Variants in LBP observed in about 807,000 individuals in gnomAD.
LBP encodes the protein lipopolysaccharide binding protein, also known as lipopolysaccharide-binding protein.
A neutral mutation model predicts 56.6 loss-of-function variants in LBP; 53 were observed. That is an observed-to-expected ratio of 0.94 (90% confidence interval 0.75 to 1.18). The LOEUF (loss-of-function observed/expected upper bound fraction) is 1.18, where lower values mean the gene tolerates loss of function less well. Ranked by LOEUF, LBP falls within the 50% of genes most tolerant of loss-of-function variation. The probability of loss-of-function intolerance (pLI) is 0.00; values close to 1 mark genes in which losing one functional copy is unlikely to be tolerated. For synonymous variants in LBP, 227 were observed against 247.5 expected (o/e 0.92, Z 0.78); for missense variants, 601 against 598.3 (o/e 1.00, Z -0.05).
At chr20:38,371,639 A>C (rs936053972) in intron 12 of LBP, among the ~76,000 whole-genome samples, 1 of 152,226 alleles carries the variant, frequency 6.6e-6, no homozygotes, top group Admixed American at 6.5e-5. Context: ...AAATAAACGA[A>C]AAAACTAAGA....
chr20:38,349,006 G>A (rs763959202), intron 1 of LBP, among the ~76,000 whole-genome samples: 18 of 151,568 alleles, frequency 1.2e-4, no homozygotes, highest in Non-Finnish European at 1.9e-4. Context: ...TATTGGCCAG[G>A]CTGGTCTCGA....
At chr20:38,354,139 G>C in intron 3 of LBP, 145 bp from the exon 4 acceptor site, 2 of 631,066 alleles carry the variant, frequency 3.2e-6, no homozygotes, top group African/African-American at 1.9e-5. Context: ...CTTTCTTCTA[G>C]ATCTTTTATG....
At chr20:38,359,619 C>G (rs2076852844) in intron 5 of LBP, among the ~76,000 whole-genome samples, 1 of 152,036 alleles carries the variant, frequency 6.6e-6, no homozygotes, top group South Asian at 2.1e-4. Context: ...ACTCTTTTCT[C>G]AATGATATTG....
At chr20:38,371,159 C>A in intron 11 of LBP, 121 bp from the exon 12 acceptor site, 1 of 721,222 alleles carries the variant, frequency 1.4e-6, no homozygotes, top group Admixed American at 2.5e-5. Context: ...TCCACTCCTG[C>A]TCCCGCCCTA....
intron 8 of LBP, among the ~76,000 whole-genome samples, chr20:38,366,451 G>A (rs572927745): frequency 6.6e-6 from 1 of 152,306 alleles, no homozygotes; most frequent in Non-Finnish European, 1.5e-5. Flanking sequence ...AGGAAGTTGA[G>A]GTTCAGGGAG....
chr20:38,353,383 G>C (rs2076827136), intron 3 of LBP, among the ~76,000 whole-genome samples: 1 of 151,058 alleles, frequency 6.6e-6, no homozygotes, highest in South Asian at 2.1e-4. Context: ...TCCTGGAATA[G>C]ACCACATTTT....
chr20:38,358,397 C>T (rs1457831289), intron 5 of LBP, among the ~76,000 whole-genome samples: 1 of 152,166 alleles, frequency 6.6e-6, no homozygotes, highest in Non-Finnish European at 1.5e-5. Context: ...CCCATGCCTC[C>T]CCTGCCCAGT....
chr20:38,375,984 C>T (rs1310303964), intron 14 of LBP, among the ~76,000 whole-genome samples: 4 of 152,152 alleles, frequency 2.6e-5, no homozygotes, highest in African/African-American at 9.7e-5. Flanking sequence ...TCAGACAGAT[C>T]GTTGTTCAAA....
intron 14 of LBP, among the ~76,000 whole-genome samples, chr20:38,376,023 C>T (rs1422016012): frequency 1.3e-5 from 2 of 152,234 alleles, no homozygotes; most frequent in East Asian, 1.9e-4. Context: ...TTCATACCAT[C>T]GGCCTCAGTT....
chr20:38,355,517 C>A, intron 5 of LBP, 108 bp downstream of exon 5: 1 of 994,560 alleles, frequency 1.0e-6, no homozygotes, highest in Non-Finnish European at 1.6e-6. Flanking sequence ...TTTAGACGTA[C>A]TTGGGCCCAA....
intron 3 of LBP, among the ~76,000 whole-genome samples, chr20:38,353,251 G>A (rs940102458): frequency 4.6e-5 from 7 of 151,962 alleles, no homozygotes; most frequent in African/African-American, 1.4e-4. Context: ...TTTGTGCCAT[G>A]TCCACCCCTA....
intron 3 of LBP, 68 bp from the exon 4 acceptor site, chr20:38,354,216 A>G (rs2076830340): frequency 3.5e-6 from 5 of 1,411,972 alleles, no homozygotes; most frequent in South Asian, 1.3e-5. Context: ...TGAGCCTTCT[A>G]TTTTCCCCAC....
At chr20:38,368,340 C>T (rs2076889906) in intron 9 of LBP, among the ~76,000 whole-genome samples, 1 of 152,108 alleles carries the variant, frequency 6.6e-6, no homozygotes, top group African/African-American at 2.4e-5. Flanking sequence ...TGGCTCACAC[C>T]CGTAATCCCA....
intron 9 of LBP, among the ~76,000 whole-genome samples, chr20:38,367,230 G>A (rs1490297519): frequency 6.6e-6 from 1 of 152,184 alleles, no homozygotes; most frequent in African/African-American, 2.4e-5. Context: ...AAGGTGGGTG[G>A]ATTGCTTGAG....
chr20:38,374,616 A>G (rs1197915543), intron 14 of LBP, among the ~76,000 whole-genome samples: 3 of 151,486 alleles, frequency 2.0e-5, no homozygotes, highest in Non-Finnish European at 2.9e-5. Context: ...AAAGAAAGAA[A>G]AAAAAAAGAA....
rs748401837 is a variant in LBP, at chr20:38,374,009, A to G, written c.1397A>G (p.His466Arg). 7.7e-5 allele frequency: 125 copies of G among 1,613,918 alleles called. No homozygotes were observed. Among genetic ancestry groups the G allele is most frequent in the Non-Finnish European group, 1.0e-4 (120 of 1,179,940 alleles). ...VQLYDLGLQIHKDFLFLGANV... is the reference protein window; with the variant it reads ...VQLYDLGLQIRKDFLFLGANV... ...CTCTACGACCTTGGGCTGCAGATCCATAAGGTCGGTGGGTTCAGGGGGGCT... is the reference window on the plus strand; with the variant it reads ...CTCTACGACCTTGGGCTGCAGATCCGTAAGGTCGGTGGGTTCAGGGGGGCT... Residue 466 changes from histidine to arginine, a missense_variant, in exon 14 of 15, where the codon CAT (histidine) becomes CGT (arginine). His to Arg is a conservative substitution (Grantham distance 29). Transcript: ENST00000217407.
In LBP at chr20:38,371,303, C is replaced by T; in HGVS notation, c.1241C>T (p.Ser414Phe). 1 of 1,609,630 alleles carries T rather than the reference C, an allele frequency of 6.2e-7. No individual in the cohort carries two copies. Among genetic ancestry groups the T allele is most frequent in the Non-Finnish European group, 8.5e-7 (1 of 1,176,394 alleles). Residue 414 changes from serine to phenylalanine, a missense_variant, in exon 12 of 15, where the codon TCC becomes TTC. Transcript: ENST00000217407. ...AGGGTAAAAGTGGAACTGAAAGAAT[C>T]CAAAGTTGGACTATTCAATGTAAGT... ...PGKVKVELKE[S>F]KVGLFNAELL... is the part of the protein sequence containing the mutation.
chr20:38,362,210 C>G (rs2076863017), intron 6 of LBP, among the ~76,000 whole-genome samples: 1 of 150,940 alleles, frequency 6.6e-6, no homozygotes, highest in Admixed American at 6.6e-5. Context: ...AGGCGCCCGC[C>G]ACCACGTCTG....
intron 6 of LBP, among the ~76,000 whole-genome samples, chr20:38,361,168 GAA>G (rs540710354): frequency 1.4e-4 from 12 of 84,756 alleles, no homozygotes; most frequent in Admixed American, 3.8e-4. Context: ...TGTCTCAACA[GAA>G]AAAAAAAAAA....
Sources: allele counts gnomAD v4.1 joint callset (sites outside exome capture counted in the v4.1 genomes callset), GRCh38; gene constraint gnomAD v4.1.1; transcripts MANE v1.5; gene names NCBI Gene and HGNC (gene_info 2026-07-23, HGNC 2026-07-21).